The following OGG1 variants were observed in gnomAD, a reference collection of about 807,000 sequenced individuals.
OGG1 encodes N-glycosylase/DNA lyase.
Under a neutral mutation model 42.3 loss-of-function variants are expected in OGG1, and 35 were observed. The ratio of observed to expected loss-of-function variants is 0.83; its 90% CI spans 0.63 to 1.10. The LOEUF (loss-of-function observed/expected upper bound fraction) is 1.10, where lower values mean the gene tolerates loss of function less well. Among genes scored for constraint, OGG1 ranks in the 50% least tolerant of loss-of-function variants. The probability of loss-of-function intolerance (pLI) is 0.00; values close to 1 mark genes in which losing one functional copy is unlikely to be tolerated. For missense variants in OGG1, 484 were observed against 446.7 expected, an observed-to-expected ratio of 1.08 and a Z score of -0.75; for synonymous variants, 189 against 179.0, an observed-to-expected ratio of 1.06 and a Z score of -0.44.
downstream of OGG1, among the ~76,000 whole-genome samples, chr3:9,770,524 T>A (rs542238448): frequency 3.3e-5 from 5 of 152,234 alleles, no homozygotes; most frequent in African/African-American, 4.8e-5. Flanking sequence ...GAGCTGAGGC[T>A]TCAGCCCCAG....
chr3:9,790,368 C>T (rs1376684675), downstream of OGG1, among the ~76,000 whole-genome samples: 1 of 152,194 alleles, frequency 6.6e-6, no homozygotes, highest in East Asian at 1.9e-4. Flanking sequence ...AAGGAGGGTC[C>T]ATGGATTCCC....
At chr3:9,777,732 T>C (rs981976245) in intron 2 of OGG1, among the ~76,000 whole-genome samples, 2 of 152,162 alleles carry the variant, frequency 1.3e-5, no homozygotes, top group Admixed American at 6.5e-5. Flanking sequence ...CACAATTCCA[T>C]CCAATTTTGG....
intron 3 of OGG1, among the ~76,000 whole-genome samples, chr3:9,753,688 A>G (rs2472037): frequency 0.3 from 45,217 of 151,782 alleles, 7,761 homozygotes; most frequent in Middle Eastern, 0.38. Flanking sequence ...CTTGAGTCTC[A>G]GCTCCTGGCT....
chr3:9,766,162 G>T, exon 8 of OGG1: 1 of 935,230 alleles, frequency 1.1e-6, no homozygotes. Context: ...GAGCTGGTAG[G>T]ATGTAAGCCT....
intron 2 of OGG1, among the ~76,000 whole-genome samples, chr3:9,776,397 T>A: frequency 6.8e-6 from 1 of 146,364 alleles, no homozygotes; most frequent in East Asian, 2.0e-4. Context: ...TCTTTTTTTT[T>A]TTTTTTTTTT....
intron 2 of OGG1, among the ~76,000 whole-genome samples, chr3:9,780,837 C>T (rs1411243918): frequency 1.3e-5 from 2 of 152,166 alleles, no homozygotes; most frequent in East Asian, 3.8e-4. Context: ...CTTAAAACTG[C>T]TCTAGAAGAA....
intron 2 of OGG1, among the ~76,000 whole-genome samples, chr3:9,777,823 T>C (rs1167430953): frequency 1.3e-5 from 2 of 152,162 alleles, no homozygotes; most frequent in African/African-American, 4.8e-5. Flanking sequence ...ACCATACTTA[T>C]GGTGTGGCCC....
At chr3:9,752,529 CAAAA>C (rs144337359) in intron 3 of OGG1, among the ~76,000 whole-genome samples, 24 of 75,016 alleles carry the variant, frequency 3.2e-4, no homozygotes, top group African/African-American at 9.9e-4. Context: ...GACTCTGTCT[CAAAA>C]AAAAAAAAAA....
chr3:9,760,696 G>A (rs143557505), downstream of OGG1: 27 of 1,613,908 alleles, frequency 1.7e-5, 1 homozygote, highest in East Asian at 2.2e-5. Flanking sequence ...AGTCAAACTC[G>A]TACTCGGCCT....
chr3:9,783,998 C>A (rs1453697128), intron 3 of OGG1: 2 of 1,601,296 alleles, frequency 1.2e-6, no homozygotes, highest in East Asian at 2.2e-5. Context: ...CAAGGCCACC[C>A]CCGGGACTGT....
chr3:9,784,758 G>A (rs2078565423), intron 3 of OGG1, among the ~76,000 whole-genome samples: 1 of 151,916 alleles, frequency 6.6e-6, no homozygotes, highest in Admixed American at 6.6e-5. Flanking sequence ...ACAGCTACTT[G>A]GTGGCTGAGG....
chr3:9,781,695 G>C (rs1575292708), intron 3 of OGG1: 1 of 428,138 alleles, frequency 2.3e-6, no homozygotes, highest in East Asian at 7.3e-5. Context: ...ATTGAGTCCA[G>C]CCTGCCAGTT....
At chr3:9,759,887 A>C, downstream of OGG1, 3 of 1,445,674 alleles carry the variant, frequency 2.1e-6, no homozygotes, top group Middle Eastern at 1.9e-4. Context: ...CACCCCACCC[A>C]ACCTATGCTC....
At position 9,756,752 on chromosome 3, in the gene OGG1, T is replaced by C. The variant is rs745384693; in HGVS notation, c.899-15T>C. ...GAAGGGGTCAGATAACTTAGTCTCA[T>C]CACTTCTGATTTAGGAAACTTTTTC... On this transcript the variant is annotated splice_polypyrimidine_tract_variant and intron_variant, in intron 5 of 6. Coordinates refer to ENST00000344629, the MANE Select transcript of OGG1 (RefSeq NM_002542.6). The C allele has an allele frequency of 4.3e-6, 7 of 1,614,008 alleles. No individual in the cohort carries two copies. The highest frequency in any genetic ancestry group is 5.1e-6 in the Non-Finnish European group (6 of 1,180,026).
intron 7 of OGG1, among the ~76,000 whole-genome samples, chr3:9,764,997 C>T (rs962350294): frequency 6.6e-6 from 1 of 151,746 alleles, no homozygotes; most frequent in Non-Finnish European, 1.5e-5. Flanking sequence ...GAGGCCGAGG[C>T]GGGTGGATCA....
downstream of OGG1, chr3:9,761,616 C>T: frequency 6.2e-7 from 1 of 1,614,110 alleles, no homozygotes; most frequent in East Asian, 2.2e-5. Flanking sequence ...AGCCCCAGCC[C>T]AGGGCCCTCC....
At chr3:9,772,750 A>G (rs2125605876) in intron 2 of OGG1, among the ~76,000 whole-genome samples, 1 of 152,294 alleles carries the variant, frequency 6.6e-6, no homozygotes, top group Non-Finnish European at 1.5e-5. Context: ...TGTAATGGGC[A>G]GCCATAAGGA....
chr3:9,757,525 C>G (rs757388506), downstream of OGG1: 23 of 1,609,470 alleles, frequency 1.4e-5, no homozygotes, highest in South Asian at 1.5e-4. The surrounding 1 kb of genome is among the most constrained non-coding windows in gnomAD (Gnocchi z 4.5). Context: ...GATCATGACC[C>G]GAGGTCCAGG....
At chr3:9,753,046 T>C (rs771537991) in intron 3 of OGG1, among the ~76,000 whole-genome samples, 1 of 150,800 alleles carries the variant, frequency 6.6e-6, no homozygotes, top group Non-Finnish European at 1.5e-5. Flanking sequence ...AGACTCCATC[T>C]CAAAACAAAC....
Sources: allele counts gnomAD v4.1 joint callset (sites outside exome capture counted in the v4.1 genomes callset), GRCh38; gene constraint gnomAD v4.1.1; non-coding constraint Gnocchi (gnomAD v3.1); transcripts MANE v1.5; gene names NCBI Gene and HGNC (gene_info 2026-07-23, HGNC 2026-07-21).